SPINK9: variants seen among roughly 807,000 people sequenced by gnomAD.
SPINK9 encodes the protein serine protease inhibitor Kazal-type 9.
SPINK9 carries 3 observed loss-of-function variants against 10.8 expected under a neutral mutation model. The observed-to-expected ratio is 0.28, with a 90% CI of 0.13 to 0.72. The LOEUF (loss-of-function observed/expected upper bound fraction) is 0.72, where lower values mean the gene tolerates loss of function less well. Among genes scored for constraint, SPINK9 ranks in the 30% least tolerant of loss-of-function variants. The pLI is 0.74. For synonymous variants in SPINK9, 30 were observed against 31.2 expected (o/e 0.96, Z 0.12); for missense variants, 101 against 103.2 (o/e 0.98, Z 0.09).
At chr5:148,327,686 G>C (rs1757083980) in intron 2 of SPINK9, among the ~76,000 whole-genome samples, 1 of 151,156 alleles carries the variant, frequency 6.6e-6, no homozygotes, top group African/African-American at 2.4e-5. Context: ...TTTTGTATAA[G>C]GTGTAAGGAA....
upstream of SPINK9, among the ~76,000 whole-genome samples, chr5:148,332,126 A>T (rs1757159207): frequency 6.6e-6 from 1 of 152,234 alleles, no homozygotes; most frequent in Non-Finnish European, 1.5e-5. Context: ...TCAAAAGAAA[A>T]AGTTATAAAC....
intron 2 of SPINK9, among the ~76,000 whole-genome samples, chr5:148,327,796 G>T (rs1390363800): frequency 2.0e-5 from 3 of 152,056 alleles, no homozygotes; most frequent in South Asian, 4.2e-4. Context: ...TGTCAGGTTT[G>T]TCAAAGATCA....
At chr5:148,324,568 T>C (rs1344112746) in intron 2 of SPINK9, among the ~76,000 whole-genome samples, 1 of 151,996 alleles carries the variant, frequency 6.6e-6, no homozygotes, top group South Asian at 2.1e-4. Flanking sequence ...AATATAATCA[T>C]TATGAGATAT....
upstream of SPINK9, among the ~76,000 whole-genome samples, chr5:148,333,673 T>C (rs1757179072): frequency 6.6e-6 from 1 of 152,114 alleles, no homozygotes; most frequent in Non-Finnish European, 1.5e-5. Flanking sequence ...TATGGAGAAG[T>C]CCTTATGCTC....
At chr5:148,330,148 T>C (rs1274079779) in intron 2 of SPINK9, among the ~76,000 whole-genome samples, 1 of 152,184 alleles carries the variant, frequency 6.6e-6, no homozygotes, top group Admixed American at 6.5e-5. Flanking sequence ...CTAAGTCTCT[T>C]TGTAGGTCAC....
intron 3 of SPINK9, 94 bp downstream of exon 3, chr5:148,338,699 A>T: frequency 1.0e-6 from 1 of 959,674 alleles, no homozygotes; most frequent in South Asian, 1.8e-5. Context: ...GGAATATGTG[A>T]ATCATATCAT....
chr5:148,331,080 GCTGCACCCACTGTC>G (rs1757142952), upstream of SPINK9, among the ~76,000 whole-genome samples: 2 of 151,960 alleles, frequency 1.3e-5, no homozygotes, highest in South Asian at 4.1e-4. Context: ...CGCACGGTGC[GCTGCACCCACTGTC>G]CTGCACCCAC....
At chr5:148,325,226 G>A (rs1757044047) in intron 2 of SPINK9, among the ~76,000 whole-genome samples, 1 of 152,040 alleles carries the variant, frequency 6.6e-6, no homozygotes, top group Non-Finnish European at 1.5e-5. Context: ...AAATAAGGCT[G>A]CTATGTACAT....
chr5:148,322,043 T>G (rs1757005379), intron 1 of SPINK9, among the ~76,000 whole-genome samples: 1 of 152,230 alleles, frequency 6.6e-6, no homozygotes, highest in Non-Finnish European at 1.5e-5. Flanking sequence ...TATGAGAAAT[T>G]TCCTGTTATC....
chr5:148,335,626 G>A lies in SPINK9; in HGVS notation c.13G>A (p.Ala5Thr), dbSNP rs1347400671. 3.1e-6 allele frequency: 5 copies of A among 1,613,458 alleles called. No homozygotes were observed. Among genetic ancestry groups the A allele is most frequent in the Admixed American group, 1.7e-5 (1 of 59,992 alleles). Residue 5 changes from alanine (A) to threonine (T), a missense_variant, in exon 1 of 4, where the codon GCC becomes ACC. Physicochemically the swap from Ala to Thr is moderately conservative, Grantham distance 58. Coordinates refer to ENST00000377906, the MANE Select transcript of SPINK9 (RefSeq NM_001040433.2). ...CCACTTCAGTACTATGAGAGCAACA[G>A]CCATAGTCCTACTCTTGGCTCTGAC... The part of the protein sequence containing the change: MRAT[A>T]IVLLLALTLA...
upstream of SPINK9, among the ~76,000 whole-genome samples, chr5:148,331,447 G>T (rs892236661): frequency 2.0e-5 from 3 of 152,208 alleles, no homozygotes; most frequent in African/African-American, 7.2e-5. Context: ...GGAGAGAGTA[G>T]AATGGTTGTT....
At chr5:148,327,579 C>T (rs1281553327) in intron 2 of SPINK9, among the ~76,000 whole-genome samples, 1 of 151,930 alleles carries the variant, frequency 6.6e-6, no homozygotes. Flanking sequence ...AAGTCCTTGC[C>T]CATGCCTATG....
intron 2 of SPINK9, among the ~76,000 whole-genome samples, chr5:148,329,422 G>A (rs144198888): frequency 0.017 from 2,593 of 151,606 alleles, 39 homozygotes; most frequent in Middle Eastern, 0.055. Flanking sequence ...CTTGCTAGCC[G>A]TCTATCAATT....
chr5:148,327,332 C>T (rs568648408), intron 2 of SPINK9, among the ~76,000 whole-genome samples: 1 of 152,194 alleles, frequency 6.6e-6, no homozygotes, highest in South Asian at 2.1e-4. Flanking sequence ...TGTTCATATC[C>T]CTTGCCCACT....
intron 2 of SPINK9, among the ~76,000 whole-genome samples, chr5:148,326,294 G>A (rs1757058861): frequency 6.6e-6 from 1 of 152,090 alleles, no homozygotes; most frequent in Non-Finnish European, 1.5e-5. Flanking sequence ...ACTGTTGGTG[G>A]GATTGTGAAT....
At chr5:148,326,905 G>C (rs538058194) in intron 2 of SPINK9, among the ~76,000 whole-genome samples, 11 of 151,972 alleles carry the variant, frequency 7.2e-5, no homozygotes, top group African/African-American at 2.7e-4. Flanking sequence ...TCTTAATCCA[G>C]TCTATCATTG....
chr5:148,331,392 T>C (rs1182524137), upstream of SPINK9, among the ~76,000 whole-genome samples: 1 of 152,200 alleles, frequency 6.6e-6, no homozygotes, highest in Non-Finnish European at 1.5e-5. Context: ...AAATACTACG[T>C]GATCTCACTT....
chr5:148,336,174 A>C (rs1757214812), intron 1 of SPINK9, among the ~76,000 whole-genome samples: 1 of 152,124 alleles, frequency 6.6e-6, no homozygotes, highest in Non-Finnish European at 1.5e-5. Context: ...TTAAGACAAA[A>C]TTCTCATTCA....
chr5:148,326,458 T>C (rs1281564165), intron 2 of SPINK9, among the ~76,000 whole-genome samples: 1 of 152,198 alleles, frequency 6.6e-6, no homozygotes, highest in South Asian at 2.1e-4. Context: ...CATTGCAGCA[T>C]TATTCACAAT....
Sources: gnomAD v4.1 joint callset for allele counts (sites outside exome capture counted in the v4.1 genomes callset) on GRCh38, gnomAD v4.1.1 for gene constraint, MANE v1.5 for transcripts, NCBI Gene and HGNC (gene_info 2026-07-23, HGNC 2026-07-21) for gene names.